CPQ: variants seen among roughly 807,000 people sequenced by gnomAD.
CPQ encodes the protein Ser-Met dipeptidase.
Under a neutral mutation model 45.7 loss-of-function variants are expected in CPQ, and 37 were observed. That is an observed-to-expected ratio of 0.81 (90% confidence interval 0.62 to 1.07). The LOEUF (loss-of-function observed/expected upper bound fraction) is 1.07, where lower values mean the gene tolerates loss of function less well. Ranked by LOEUF, CPQ falls within the 50% of genes least tolerant of loss-of-function variation. The probability of loss-of-function intolerance (pLI) is 0.00; values close to 1 mark genes in which losing one functional copy is unlikely to be tolerated. For missense variants in CPQ, 537 were observed against 572.9 expected (o/e 0.94, Z 0.64); for synonymous variants, 186 against 205.8 (o/e 0.90, Z 0.82).
At chr8:96,888,224 G>A (rs1272997091) in intron 4 of CPQ, among the ~76,000 whole-genome samples, 1 of 152,146 alleles carries the variant, frequency 6.6e-6, no homozygotes, top group African/African-American at 2.4e-5. Flanking sequence ...GGGGACAAAA[G>A]CCACCCCAAG....
At position 96,725,067 on chromosome 8, in the gene CPQ, A is replaced by G. The variant is rs1586374514; in HGVS notation, c.-34-59797A>G. 2.0e-5 allele frequency among the ~76,000 whole-genome samples: 3 copies of G among 152,300 alleles called. No individual in the cohort carries two copies. In the South Asian group the frequency reaches 6.2e-4, roughly 32 times the overall value. On this transcript the variant is annotated intron_variant, in intron 1 of 7. Transcript: ENST00000220763. Reference sequence around the variant, plus strand: ...AAACTGGATCCCTGCCTTTCACCACATACAAAAATTAACCAAAAATGGATT... The same window carrying G: ...AAACTGGATCCCTGCCTTTCACCACGTACAAAAATTAACCAAAAATGGATT...
At chr8:96,698,071 A>T (rs1414631346) in intron 1 of CPQ, among the ~76,000 whole-genome samples, 1 of 152,074 alleles carries the variant, frequency 6.6e-6, no homozygotes, top group Non-Finnish European at 1.5e-5. Context: ...AAGGAAAAAA[A>T]TGAGGAATCA....
chr8:96,906,118 G>A (rs1366476756), intron 4 of CPQ, among the ~76,000 whole-genome samples: 1 of 152,130 alleles, frequency 6.6e-6, no homozygotes, highest in Non-Finnish European at 1.5e-5. Flanking sequence ...CATCTGGGCT[G>A]TGCATTTTAC....
chr8:96,696,084 A>G (rs1240681265), intron 1 of CPQ, among the ~76,000 whole-genome samples: 2 of 151,902 alleles, frequency 1.3e-5, no homozygotes, highest in Non-Finnish European at 2.9e-5. Context: ...AATGTGGCAC[A>G]TATACATCAT....
intron 5 of CPQ, among the ~76,000 whole-genome samples, chr8:96,993,966 G>A (rs1198547920): frequency 6.6e-6 from 1 of 152,106 alleles, no homozygotes; most frequent in Non-Finnish European, 1.5e-5. Context: ...CCTGGCTGAA[G>A]GACTGTGAAG....
At chr8:96,844,112 T>A (rs963496789) in intron 3 of CPQ, among the ~76,000 whole-genome samples, 1 of 152,246 alleles carries the variant, frequency 6.6e-6, no homozygotes, top group East Asian at 1.9e-4. Context: ...GAATCTCTAG[T>A]GGCAAAAAGA....
intron 1 of CPQ, among the ~76,000 whole-genome samples, chr8:96,720,999 A>G (rs1809755637): frequency 6.6e-6 from 1 of 151,240 alleles, no homozygotes; most frequent in Admixed American, 6.6e-5. Context: ...GAATGCCAGT[A>G]TCTTCCAACA....
chr8:96,810,949 T>C (rs1811154698), intron 2 of CPQ, among the ~76,000 whole-genome samples: 1 of 152,214 alleles, frequency 6.6e-6, no homozygotes, highest in Non-Finnish European at 1.5e-5. Flanking sequence ...GAGGTTAACA[T>C]AGACATCTAG....
At chr8:96,827,807 G>A (rs376493067) in intron 2 of CPQ, among the ~76,000 whole-genome samples, 1 of 152,054 alleles carries the variant, frequency 6.6e-6, no homozygotes, top group African/African-American at 2.4e-5. Context: ...AGGGTATATA[G>A]TGATAGGCAT....
At chr8:96,738,864 T>C (rs1810035346) in intron 1 of CPQ, among the ~76,000 whole-genome samples, 1 of 152,116 alleles carries the variant, frequency 6.6e-6, no homozygotes, top group African/African-American at 2.4e-5. Context: ...CTATCATTGT[T>C]GGACATTTGG....
At chr8:96,839,402 T>C (rs1811575400) in intron 3 of CPQ, among the ~76,000 whole-genome samples, 1 of 152,196 alleles carries the variant, frequency 6.6e-6, no homozygotes, top group African/African-American at 2.4e-5. Flanking sequence ...CTAATGACAC[T>C]TCTTTCCATC....
intron 1 of CPQ, among the ~76,000 whole-genome samples, chr8:96,778,936 G>A (rs369030834): frequency 1.3e-5 from 2 of 151,646 alleles, no homozygotes; most frequent in Non-Finnish European, 2.9e-5. Context: ...ATGGTGACAG[G>A]CACCTGTAAT....
At chr8:96,926,484 G>A (rs905457819) in intron 4 of CPQ, among the ~76,000 whole-genome samples, 5 of 152,042 alleles carry the variant, frequency 3.3e-5, no homozygotes, top group Admixed American at 1.3e-4. Flanking sequence ...ATTGAAAAGC[G>A]ATGTACAAAT....
intron 7 of CPQ, among the ~76,000 whole-genome samples, chr8:97,096,850 G>A (rs915802110): frequency 3.3e-5 from 5 of 152,182 alleles, no homozygotes; most frequent in Non-Finnish European, 5.9e-5. Flanking sequence ...GCAAGGCCCA[G>A]GAAACTTTAA....
chr8:96,966,314 A>G (rs998325974), intron 5 of CPQ, among the ~76,000 whole-genome samples: 2 of 152,234 alleles, frequency 1.3e-5, no homozygotes, highest in Non-Finnish European at 2.9e-5. Context: ...CACACCAGCT[A>G]AAGAATATGC....
intron 3 of CPQ, among the ~76,000 whole-genome samples, chr8:96,872,030 A>G (rs1229952714): frequency 1.3e-5 from 2 of 151,972 alleles, no homozygotes; most frequent in African/African-American, 2.4e-5. Context: ...GAAAGATCAA[A>G]CTAATTTAAG....
At chr8:96,959,912 CA>C (rs1358636599) in intron 4 of CPQ, among the ~76,000 whole-genome samples, 1 of 134,520 alleles carries the variant, frequency 7.4e-6, no homozygotes, top group Non-Finnish European at 1.6e-5. Context: ...AAAAAAAAAC[CA>C]AAAACACCGA....
At chr8:96,930,275 G>C (rs901701375) in intron 4 of CPQ, among the ~76,000 whole-genome samples, 4 of 152,198 alleles carry the variant, frequency 2.6e-5, no homozygotes, top group African/African-American at 9.6e-5. Flanking sequence ...ACCTTCACTT[G>C]TTGAGGAATT....
At chr8:96,724,632 C>T (rs538166396) in intron 1 of CPQ, among the ~76,000 whole-genome samples, 32 of 152,104 alleles carry the variant, frequency 2.1e-4, no homozygotes, top group Non-Finnish European at 3.4e-4. Context: ...AAAAGCATTC[C>T]ATGCTCATGA....
Sources: gnomAD v4.1 joint callset for allele counts (sites outside exome capture counted in the v4.1 genomes callset) on GRCh38, gnomAD v4.1.1 for gene constraint, MANE v1.5 for transcripts, NCBI Gene and HGNC (gene_info 2026-07-23, HGNC 2026-07-21) for gene names.